MLLT3: variants seen among roughly 807,000 people sequenced by gnomAD.
The protein encoded by MLLT3 is protein AF-9.
In MLLT3, 4 loss-of-function variants were observed where a neutral mutation model predicts 53.2. That is an observed-to-expected ratio of 0.08 (90% confidence interval 0.04 to 0.17). MLLT3 has a LOEUF of 0.17. Ranked by LOEUF, MLLT3 falls within the 10% of genes least tolerant of loss-of-function variation. MLLT3 has a pLI of 1.00. For missense variants in MLLT3, 569 were observed against 684.0 expected (o/e 0.83, Z 1.87); for synonymous variants, 283 against 230.6 (o/e 1.23, Z -2.06).
chr9:20,577,571 T>C (rs192007267), intron 2 of MLLT3, among the ~76,000 whole-genome samples: 1 of 152,294 alleles, frequency 6.6e-6, no homozygotes, highest in East Asian at 1.9e-4. Flanking sequence ...CTCACTTTCA[T>C]ACCAATATAC....
intron 4 of MLLT3, among the ~76,000 whole-genome samples, chr9:20,430,457 CCAAA>C (rs1467985741): frequency 1.3e-5 from 2 of 152,092 alleles, no homozygotes; most frequent in African/African-American, 4.8e-5. Context: ...GTACACCCTT[CCAAA>C]CAGACTCATA....
Position 20,475,042 on chromosome 9 carries a change from G to A in MLLT3, c.194-18256C>T, listed in dbSNP as rs78634299. Among the ~76,000 whole-genome samples, 1,491 of 152,158 alleles carry A rather than the reference G, an allele frequency of 9.8e-3. 10 individuals are homozygous for A. The highest frequency in any genetic ancestry group is 0.014 in the Non-Finnish European group (973 of 67,974). On this transcript the variant is annotated intron_variant, in intron 2 of 10. Coordinates refer to ENST00000380338, the MANE Select transcript of MLLT3 (RefSeq NM_004529.4). ...CTTTAAGGCTACTTGACACTATAAA[G>A]TAATGGCATGAGAAATGGCCGGGGG...
intron 2 of MLLT3, among the ~76,000 whole-genome samples, chr9:20,602,928 A>G (rs771643729): frequency 6.6e-6 from 1 of 152,134 alleles, no homozygotes; most frequent in Admixed American, 6.5e-5. Flanking sequence ...CAGCTTTATC[A>G]TAATATGCCA....
rs761995053 is a variant in MLLT3 at position 20,413,888 on chromosome 9, A to G, written c.958T>C (p.Cys320Arg). ...FSSAPPLILT[C>R]SADKKQIKDK... ...TTTATCTGTTTTTTGTCAGCAGAAC[A>G]AGTGAGTATCAGTGGTGGTGCGCTA... The change falls in exon 5 of 11, where the codon TGT (cysteine) becomes CGT (arginine). Residue 320 changes from cysteine (C) to arginine (R), a missense_variant. By Grantham distance (180) the Cys-to-Arg change is radical. Coordinates refer to ENST00000380338, the MANE Select transcript of MLLT3 (RefSeq NM_004529.4). 2 of 1,614,132 alleles carry G rather than the reference A, an allele frequency of 1.2e-6. No individual in the cohort carries two copies. The highest frequency in any genetic ancestry group is 2.7e-5 in the African/African-American group (2 of 75,062).
chr9:20,355,287 A>G (rs1270145476), intron 8 of MLLT3, among the ~76,000 whole-genome samples: 1 of 152,160 alleles, frequency 6.6e-6, no homozygotes, highest in African/African-American at 2.4e-5. Flanking sequence ...ACTAGTGTTC[A>G]GTATGCTAGG....
chr9:20,534,718 C>G (rs1026613166), intron 2 of MLLT3, among the ~76,000 whole-genome samples: 1 of 152,002 alleles, frequency 6.6e-6, no homozygotes, highest in African/African-American at 2.4e-5. Flanking sequence ...AACCCTGTCT[C>G]TACTAAAAAT....
intron 2 of MLLT3, among the ~76,000 whole-genome samples, chr9:20,483,046 G>A (rs1327674401): frequency 6.6e-6 from 1 of 151,800 alleles, no homozygotes. Context: ...AGTGATTCTG[G>A]CTTCTCCAGG....
At chr9:20,556,504 G>A (rs572380908) in intron 2 of MLLT3, among the ~76,000 whole-genome samples, 37 of 152,180 alleles carry the variant, frequency 2.4e-4, no homozygotes, top group African/African-American at 7.9e-4. Context: ...CCAACAAGGT[G>A]AAACCCCATC....
chr9:20,505,485 C>G (rs1311225709), intron 2 of MLLT3, among the ~76,000 whole-genome samples: 3 of 151,990 alleles, frequency 2.0e-5, no homozygotes, highest in Non-Finnish European at 4.4e-5. Flanking sequence ...AAATGAATAA[C>G]AGAATAAAAA....
chr9:20,426,253 A>G (rs899936132), intron 4 of MLLT3, among the ~76,000 whole-genome samples: 20 of 152,120 alleles, frequency 1.3e-4, no homozygotes, highest in African/African-American at 4.3e-4. Context: ...TAATATTTAT[A>G]TCACTTCTCT....
At chr9:20,531,999 G>A (rs1285786490) in intron 2 of MLLT3, among the ~76,000 whole-genome samples, 2 of 151,890 alleles carry the variant, frequency 1.3e-5, no homozygotes, top group Non-Finnish European at 2.9e-5. Flanking sequence ...CGTTAGCTTA[G>A]TGACAGACAG....
chr9:20,543,166 G>T (rs575118697), intron 2 of MLLT3, among the ~76,000 whole-genome samples: 1 of 152,128 alleles, frequency 6.6e-6, no homozygotes. Context: ...ACCCTGTGTC[G>T]CTTTCTTAAC....
chr9:20,393,639 C>A (rs576020969), intron 5 of MLLT3, among the ~76,000 whole-genome samples: 1 of 152,196 alleles, frequency 6.6e-6, no homozygotes, highest in African/African-American at 2.4e-5. Flanking sequence ...TGCAATGCCT[C>A]TCTTCTTTAC....
rs1820767861 is a variant in MLLT3, at chr9:20,342,777, A to G, written c.*3666T>C. The G allele has an allele frequency of 1.1e-5, 2 of 190,120 alleles. No individual in the cohort carries two copies. The allele number at this position is 190,120 out of a possible 1,614,324, so 11.8% of individuals were successfully genotyped here. On this transcript the variant is annotated 3_prime_UTR_variant, in exon 11 of 11. Coordinates refer to ENST00000380338, the MANE Select transcript of MLLT3 (RefSeq NM_004529.4). ...CTGCAGCTGTAGTAGTCTCTACATC[A>G]TATTCATAGTTTTAGAGCAACAGTC... is the stretch of plus-strand genomic sequence containing the variant.
At chr9:20,418,820 T>C (rs1387809662) in intron 4 of MLLT3, among the ~76,000 whole-genome samples, 1 of 152,128 alleles carries the variant, frequency 6.6e-6, no homozygotes, top group African/African-American at 2.4e-5. Context: ...ATGGCCAGCC[T>C]TCCCAGCACT....
In MLLT3 at chr9:20,365,651, T is replaced by C. The variant is rs1821430923; in HGVS notation, c.1201+18A>G. On this transcript the variant is annotated intron_variant, in intron 6 of 10. Coordinates refer to ENST00000380338, the MANE Select transcript of MLLT3 (RefSeq NM_004529.4). The stretch of plus-strand genomic sequence containing the variant: ...TTTATGAGAAAAGCATCTCCTAGTT[T>C]GCATGAGATGTTGATACCTTGTTGC... 3 of 1,613,774 alleles carry C rather than the reference T, an allele frequency of 1.9e-6. No homozygotes were observed. The highest frequency in any genetic ancestry group is 2.5e-6 in the Non-Finnish European group (3 of 1,179,776).
intron 2 of MLLT3, among the ~76,000 whole-genome samples, chr9:20,499,562 T>C (rs1270003379): frequency 1.3e-5 from 2 of 152,360 alleles, no homozygotes; most frequent in South Asian, 2.1e-4. Flanking sequence ...CCATTTTTGC[T>C]GCAATAACTG....
chr9:20,412,670 G>T (rs1053301445), intron 5 of MLLT3, among the ~76,000 whole-genome samples: 1 of 152,158 alleles, frequency 6.6e-6, no homozygotes. Context: ...GTTATTTTTA[G>T]CCAGATAGCT....
chr9:20,449,042 C>G (rs565279171), intron 3 of MLLT3, among the ~76,000 whole-genome samples: 10 of 152,230 alleles, frequency 6.6e-5, no homozygotes, highest in African/African-American at 2.4e-4. Flanking sequence ...ACTGCTTTAC[C>G]TAGATAACTT....
Sources: allele counts gnomAD v4.1 joint callset (sites outside exome capture counted in the v4.1 genomes callset), GRCh38; gene constraint gnomAD v4.1.1; transcripts MANE v1.5; gene names NCBI Gene and HGNC (gene_info 2026-07-23, HGNC 2026-07-21).